Variants in TULP4 observed in about 807,000 individuals in gnomAD.
TULP4 encodes the protein TUB like protein 4.
In TULP4, 16 loss-of-function variants were observed where a neutral mutation model predicts 129.0. That is an observed-to-expected ratio of 0.12 (90% CI 0.08 to 0.19). The LOEUF is 0.19. Ranked by LOEUF, TULP4 falls within the 10% of genes least tolerant of loss-of-function variation. The pLI, the probability that TULP4 is intolerant of heterozygous loss-of-function variation, is 1.00. For missense variants in TULP4, 1,842 were observed against 2,059.1 expected, an observed-to-expected ratio of 0.89 and a Z score of 2.04; for synonymous variants, 998 against 854.0, an observed-to-expected ratio of 1.17 and a Z score of -2.94.
At chr6:158,392,069 A>T (rs182251860) in intron 1 of TULP4, among the ~76,000 whole-genome samples, 1 of 152,234 alleles carries the variant, frequency 6.6e-6, no homozygotes, top group Non-Finnish European at 1.5e-5. Flanking sequence ...GGCAGTTTAC[A>T]AAAGAAAGGT....
chr6:158,237,314 G>A (rs955864446), intron 1 of TULP4: 11 of 1,585,832 alleles, frequency 6.9e-6, no homozygotes, highest in Non-Finnish European at 8.7e-6. Flanking sequence ...TTTAAAAACA[G>A]CCTTCAACAA....
At chr6:158,240,243 C>CG (rs1777851128) in intron 1 of TULP4, among the ~76,000 whole-genome samples, 1 of 65,466 alleles carries the variant, frequency 1.5e-5, no homozygotes, top group Non-Finnish European at 3.3e-5. Flanking sequence ...CCCTCCCGGA[C>CG]GGGGCGGCTG....
intron 1 of TULP4, among the ~76,000 whole-genome samples, chr6:158,265,799 T>C (rs992145722): frequency 6.6e-6 from 1 of 152,188 alleles, no homozygotes; most frequent in Non-Finnish European, 1.5e-5. Context: ...CTTACCTGTG[T>C]GCCCAGACCT....
intron 1 of TULP4, among the ~76,000 whole-genome samples, chr6:158,389,671 G>A (rs1019994958): frequency 6.6e-6 from 1 of 152,008 alleles, no homozygotes; most frequent in Non-Finnish European, 1.5e-5. Flanking sequence ...TGAATCATGT[G>A]GTGTGCCTTT....
chr6:158,365,035 C>G (rs890898300), intron 1 of TULP4, among the ~76,000 whole-genome samples: 1 of 151,556 alleles, frequency 6.6e-6, no homozygotes, highest in African/African-American at 2.4e-5. Flanking sequence ...GCGCCCAGCC[C>G]CTAGATTTGT....
At chr6:158,418,460 A>T (rs139302047) in intron 2 of TULP4, among the ~76,000 whole-genome samples, 2 of 143,704 alleles carry the variant, frequency 1.4e-5, no homozygotes, top group South Asian at 4.4e-4. Flanking sequence ...TTGTTTTTCC[A>T]GTTGTGATAT....
chr6:158,411,616 A>G (rs1021395505), intron 1 of TULP4, among the ~76,000 whole-genome samples: 2 of 152,190 alleles, frequency 1.3e-5, no homozygotes, highest in African/African-American at 2.4e-5. Flanking sequence ...GAAAAATTTG[A>G]TTTTATTATA....
chr6:158,417,226 A>G (rs915645539), intron 2 of TULP4, among the ~76,000 whole-genome samples: 9 of 152,214 alleles, frequency 5.9e-5, no homozygotes, highest in East Asian at 1.9e-4. Flanking sequence ...GGGGCCCTCT[A>G]TCATCTCCAT....
intron 1 of TULP4, among the ~76,000 whole-genome samples, chr6:158,404,053 C>T (rs1217428855): frequency 1.3e-5 from 2 of 152,232 alleles, no homozygotes; most frequent in Non-Finnish European, 2.9e-5. Flanking sequence ...ACCCACCACA[C>T]TCTCCTAATG....
chr6:158,453,485 CAAAAAAA>C (rs869146924), intron 5 of TULP4, among the ~76,000 whole-genome samples: 53 of 17,980 alleles, frequency 2.9e-3, no homozygotes, highest in South Asian at 0.012. Context: ...CTCTGTCTCA[CAAAAAAA>C]AAAAAAAAAA....
At position 158,503,997 on chromosome 6, in the gene TULP4, C is replaced by T. The variant is rs745747747; in HGVS notation, c.4334C>T (p.Ala1445Val). The change falls in exon 13 of 14, where the codon GCC (alanine) becomes GTC (valine). Residue 1445 changes from alanine to valine, a missense_variant. Around this residue, in one of 5 missense-constraint regions of TULP4, gnomAD observed 1,089 missense variants for 987.1 expected, o/e 1.10. Transcript: ENST00000367097. This position sits in a 1 kb window ranked among gnomAD's most constrained non-coding sequence, Gnocchi z 4.3. ...SPRAAGELEE[A>V]KCRRASEKED... ...CGGGCCGCCGGCGAGCTGGAGGAGG[C>T]CAAGTGCCGGCGGGCCAGTGAGAAG... 2 of 1,612,792 alleles carry T rather than the reference C, an allele frequency of 1.2e-6. No individual in the cohort carries two copies. Among genetic ancestry groups the T allele is most frequent in the Non-Finnish European group, 1.7e-6 (2 of 1,179,506 alleles).
At position 158,452,138 on chromosome 6, in the gene TULP4, T is replaced by G; in HGVS notation, c.729T>G (p.Gly243=). ...DSDDYAPPQD[G]PAAYPIPVQN... is the part of the protein sequence containing the mutation. ...TTGGCACTTGTGTTCCTGCAGATGG[T>G]CCGGCAGCATATCCCATCCCAGTGC... The change falls in exon 5 of 14, where the codon GGT becomes GGG. Residue 243 remains glycine (G), a synonymous_variant. Transcript: ENST00000367097. The G allele has an allele frequency of 6.2e-7, 1 of 1,614,032 alleles. No homozygotes were observed. The highest frequency in any genetic ancestry group is 8.5e-7 in the Non-Finnish European group (1 of 1,179,962).
chr6:158,436,898 G>C (rs1748303596), intron 3 of TULP4, among the ~76,000 whole-genome samples: 1 of 152,180 alleles, frequency 6.6e-6, no homozygotes, highest in African/African-American at 2.4e-5. Context: ...AAAGTGGGTA[G>C]GTTTATCCTG....
Position 158,509,241 on chromosome 6 carries a change from T to A in TULP4, c.*2547T>A, listed in dbSNP as rs1278682193. Reference sequence around the variant, plus strand: ...TGTAACTTTTCTAATTGGGAAAAAATTCCTATTAATCACTTAAAAATTTTT... The same window carrying A: ...TGTAACTTTTCTAATTGGGAAAAAAATCCTATTAATCACTTAAAAATTTTT... On this transcript the variant is annotated 3_prime_UTR_variant, in exon 14 of 14. Coordinates refer to ENST00000367097, the MANE Select transcript of TULP4 (RefSeq NM_020245.5). 6.6e-6 allele frequency: 1 copy of A among 152,084 alleles called. No homozygotes were observed. The highest frequency in any genetic ancestry group is 1.5e-5 in the Non-Finnish European group (1 of 68,026). 9.4% of individuals were successfully genotyped at this position (152,084 alleles called of 1,614,324 possible). A position where few individuals can be genotyped will look rare whatever the true frequency, so the allele number is the denominator to read the frequency against.
At chr6:158,445,485 A>G (rs1242402305) in intron 3 of TULP4, among the ~76,000 whole-genome samples, 2 of 152,192 alleles carry the variant, frequency 1.3e-5, no homozygotes, top group Non-Finnish European at 2.9e-5. Context: ...TCATTGAGTC[A>G]CTGAGTGAAT....
intron 1 of TULP4, among the ~76,000 whole-genome samples, chr6:158,340,366 T>G (rs1041629852): frequency 2.0e-5 from 3 of 152,224 alleles, no homozygotes; most frequent in African/African-American, 4.8e-5. Flanking sequence ...TATTTTCTTA[T>G]GTTTGTTCCT....
At chr6:158,339,590 T>C (rs1780131773) in intron 1 of TULP4, among the ~76,000 whole-genome samples, 1 of 152,168 alleles carries the variant, frequency 6.6e-6, no homozygotes, top group East Asian at 1.9e-4. Flanking sequence ...TGCATTCTTT[T>C]CCCAGGGCTG....
intron 1 of TULP4, among the ~76,000 whole-genome samples, chr6:158,387,392 T>C (rs1307983222): frequency 2.0e-5 from 3 of 152,186 alleles, no homozygotes; most frequent in African/African-American, 4.8e-5. Context: ...AAATTGGGAC[T>C]GTACAGTGGC....
intron 8 of TULP4, among the ~76,000 whole-genome samples, 174 bp from the exon 9 acceptor site, chr6:158,489,414 C>A (rs909717938): frequency 1.2e-4 from 19 of 152,226 alleles, no homozygotes; most frequent in African/African-American, 4.6e-4. Context: ...TTGCCTCCTT[C>A]TGCTTAGAAA....
Sources: gnomAD v4.1 joint callset for allele counts (sites outside exome capture counted in the v4.1 genomes callset) on GRCh38, gnomAD v4.1.1 for gene constraint, gnomAD v4.1.1 regional missense constraint, Gnocchi (gnomAD v3.1) non-coding constraint, MANE v1.5 for transcripts, NCBI Gene and HGNC (gene_info 2026-07-23, HGNC 2026-07-21) for gene names.